STT3B: variants seen among roughly 807,000 people sequenced by gnomAD.
STT3B encodes dolichyl-diphosphooligosaccharide--protein glycosyltransferase subunit STT3B.
In STT3B, 29 loss-of-function variants were observed where a neutral mutation model predicts 96.8. The ratio of observed to expected loss-of-function variants is 0.30; its 90% CI spans 0.22 to 0.41. STT3B has a LOEUF of 0.41. Among genes scored for constraint, STT3B ranks in the 10% least tolerant of loss-of-function variants. The probability of loss-of-function intolerance (pLI) is 1.00; values close to 1 mark genes in which losing one functional copy is unlikely to be tolerated. For synonymous variants in STT3B, 367 were observed against 360.0 expected (o/e 1.02, Z -0.22); for missense variants, 640 against 1,022.3 (o/e 0.63, Z 5.10).
At chr3:31,624,765 T>A in intron 11 of STT3B, 149 bp from the exon 12 acceptor site, 1 of 303,244 alleles carries the variant, frequency 3.3e-6, no homozygotes, top group Non-Finnish European at 5.9e-6. Flanking sequence ...ATTGTTTCAC[T>A]TTTTTTTTTC....
At chr3:31,548,738 CCCTTTGAGGGAGATAAG>C (rs1559360647) in intron 1 of STT3B, among the ~76,000 whole-genome samples, 1 of 152,132 alleles carries the variant, frequency 6.6e-6, no homozygotes, top group East Asian at 1.9e-4. Flanking sequence ...GAACCTTCCC[CCCTTTGAGGGAGATAAG>C]TTTTGGTTTC....
In STT3B at chr3:31,579,976, A is replaced by G. The variant is rs762314821; in HGVS notation, c.591A>G (p.Ala197=). Residue 197 remains alanine, a synonymous_variant, in exon 3 of 16, where the codon GCA becomes GCG. Transcript: ENST00000295770. ...LLTRELWNQG[A]GLLAACFIAI... is the part of the protein sequence containing the mutation. ...CAAGAGAACTTTGGAACCAAGGAGC[A>G]GGACTTTTAGCTGCTTGTTTTATTG... 8.1e-6 allele frequency: 13 copies of G among 1,613,762 alleles called. No homozygotes were observed. The highest frequency in any genetic ancestry group is 2.2e-5 in the East Asian group (1 of 44,866).
intron 7 of STT3B, among the ~76,000 whole-genome samples, chr3:31,617,376 C>G (rs1049185216): frequency 2.6e-5 from 4 of 151,718 alleles, no homozygotes; most frequent in Non-Finnish European, 4.4e-5. Flanking sequence ...CCTCTTTCTC[C>G]CCTACTTTTC....
At chr3:31,621,620 T>C (rs1207821434) in intron 9 of STT3B, among the ~76,000 whole-genome samples, 4 of 152,224 alleles carry the variant, frequency 2.6e-5, no homozygotes, top group Non-Finnish European at 5.9e-5. Context: ...TTAAGTTTCT[T>C]GGCAGTAACT....
intron 1 of STT3B, among the ~76,000 whole-genome samples, chr3:31,567,824 C>T (rs867504485): frequency 2.6e-4 from 40 of 152,230 alleles, no homozygotes; most frequent in African/African-American, 8.9e-4. Context: ...CATCACCTCA[C>T]GCATTTATCA....
At chr3:31,614,513 G>A (rs1699260090) in intron 5 of STT3B, among the ~76,000 whole-genome samples, 1 of 151,868 alleles carries the variant, frequency 6.6e-6, no homozygotes, top group African/African-American at 2.4e-5. Context: ...TTTATTAGAT[G>A]CTAAATTCAG....
intron 3 of STT3B, 103 bp downstream of exon 3, chr3:31,580,199 G>T (rs190297150): frequency 7.2e-6 from 8 of 1,111,034 alleles, no homozygotes; most frequent in Non-Finnish European, 9.1e-6. Flanking sequence ...ATGTAGTTGC[G>T]TACAGAGATC....
At chr3:31,565,816 C>T (rs1697991525) in intron 1 of STT3B, among the ~76,000 whole-genome samples, 1 of 152,108 alleles carries the variant, frequency 6.6e-6, no homozygotes, top group Non-Finnish European at 1.5e-5. Flanking sequence ...GAATTGAAAT[C>T]TGAAATGGTA....
intron 1 of STT3B, among the ~76,000 whole-genome samples, chr3:31,572,033 T>C (rs1698160715): frequency 2.2e-5 from 1 of 46,058 alleles, no homozygotes; most frequent in African/African-American, 3.8e-5. Flanking sequence ...TATATATTAA[T>C]ATATGATATA....
intron 11 of STT3B, among the ~76,000 whole-genome samples, chr3:31,624,202 C>G (rs971577974): frequency 6.6e-6 from 1 of 152,026 alleles, no homozygotes; most frequent in Non-Finnish European, 1.5e-5. Context: ...CTGTGGTGTT[C>G]GTACCCGTTA....
chr3:31,585,193 T>C (rs1698508169), intron 3 of STT3B, among the ~76,000 whole-genome samples: 1 of 152,116 alleles, frequency 6.6e-6, no homozygotes. Flanking sequence ...GATACACTTT[T>C]GGATTTGTGT....
intron 1 of STT3B, among the ~76,000 whole-genome samples, chr3:31,569,695 T>G (rs1467816207): frequency 6.6e-6 from 1 of 152,082 alleles, no homozygotes; most frequent in African/African-American, 2.4e-5. Context: ...TTGGACATCG[T>G]TTTTTACTCC....
Position 31,576,415 on chromosome 3 carries a change from C to A in STT3B, c.334C>A (p.His112Asn). Reference sequence around the variant, plus strand: ...CTCTAGGTTTAACTATAGATCAACACATCATCTTGCATCTCATGGGTTCTA... The same window carrying A: ...CTCTAGGTTTAACTATAGATCAACAAATCATCTTGCATCTCATGGGTTCTA... ...FDPWFNYRST[H>N]HLASHGFYEF... The change falls in exon 2 of 16, where the codon CAT becomes AAT. Residue 112 changes from histidine to asparagine, a missense_variant. This residue lies in a region of STT3B where 267 missense variants were observed against 388.3 expected (regional missense o/e 0.69). Coordinates refer to ENST00000295770, the MANE Select transcript of STT3B (RefSeq NM_178862.3). 6.3e-7 allele frequency: 1 copy of A among 1,598,360 alleles called. No individual in the cohort carries two copies. Among genetic ancestry groups the A allele is most frequent in the Non-Finnish European group, 8.5e-7 (1 of 1,171,002 alleles).
At chr3:31,631,907 G>C (rs1699671453) in intron 14 of STT3B, among the ~76,000 whole-genome samples, 2 of 151,848 alleles carry the variant, frequency 1.3e-5, no homozygotes, top group Admixed American at 6.6e-5. Flanking sequence ...CCATACTGGA[G>C]TACAGTGGTG....
At chr3:31,548,319 A>C (rs1256502041) in intron 1 of STT3B, among the ~76,000 whole-genome samples, 2 of 151,626 alleles carry the variant, frequency 1.3e-5, no homozygotes, top group Non-Finnish European at 2.9e-5. Flanking sequence ...AGGGAAAATG[A>C]GCCATTTAAA....
chr3:31,546,423 G>A (rs1329376667), intron 1 of STT3B, among the ~76,000 whole-genome samples: 2 of 152,152 alleles, frequency 1.3e-5, no homozygotes, highest in Admixed American at 1.3e-4. Flanking sequence ...TCCTCCATGT[G>A]ACTGCTTAGT....
chr3:31,633,192 G>T, intron 15 of STT3B, 45 bp downstream of exon 15: 1 of 1,525,538 alleles, frequency 6.6e-7, no homozygotes, highest in South Asian at 1.2e-5. Flanking sequence ...AAGGTGTGTT[G>T]GTTTGTATGA....
chr3:31,626,673 A>C (rs1232227281), intron 13 of STT3B, among the ~76,000 whole-genome samples: 1 of 152,156 alleles, frequency 6.6e-6, no homozygotes, highest in Non-Finnish European at 1.5e-5. Flanking sequence ...CACTAGGTCT[A>C]GTTCTAGGAT....
At chr3:31,563,243 C>A (rs768869677) in intron 1 of STT3B, among the ~76,000 whole-genome samples, 1 of 152,172 alleles carries the variant, frequency 6.6e-6, no homozygotes, top group Non-Finnish European at 1.5e-5. Context: ...CAACTATCTT[C>A]AGCATTGATT....
Sources: allele counts gnomAD v4.1 joint callset (sites outside exome capture counted in the v4.1 genomes callset), GRCh38; gene constraint gnomAD v4.1.1; regional missense constraint gnomAD v4.1.1; transcripts MANE v1.5; gene names NCBI Gene and HGNC (gene_info 2026-07-23, HGNC 2026-07-21).